Variants in TTC28 observed in about 807,000 individuals in gnomAD.
TTC28 encodes the protein tetratricopeptide repeat protein 28.
In TTC28, 61 loss-of-function variants were observed where a neutral mutation model predicts 198.0. The ratio of observed to expected loss-of-function variants is 0.31; its 90% CI spans 0.25 to 0.38. TTC28 has a LOEUF of 0.38. Ranked by LOEUF, TTC28 falls within the 10% of genes least tolerant of loss-of-function variation. The pLI is 1.00. For missense variants in TTC28, 2,678 were observed against 3,164.0 expected (o/e 0.85, Z 3.69); for synonymous variants, 1,171 against 1,297.8 (o/e 0.90, Z 2.10).
chr22:28,375,845 T>C (rs1046861285), intron 2 of TTC28, among the ~76,000 whole-genome samples: 4 of 152,216 alleles, frequency 2.6e-5, no homozygotes, highest in Non-Finnish European at 5.9e-5. Context: ...CTCCAGGAAG[T>C]GGGATAGTCC....
chr22:28,647,727 T>A (rs943657775), intron 1 of TTC28, among the ~76,000 whole-genome samples: 127 of 151,428 alleles, frequency 8.4e-4, no homozygotes, highest in African/African-American at 2.9e-3. Context: ...TAGTCCCAGC[T>A]ACTCGGGAGG....
intron 2 of TTC28, among the ~76,000 whole-genome samples, chr22:28,320,278 T>G (rs75740183): frequency 6.6e-6 from 1 of 151,808 alleles, no homozygotes; most frequent in Non-Finnish European, 1.5e-5. Context: ...TTTTTTTTTT[T>G]GGCATGACTT....
chr22:28,614,193 G>A (rs546919766), intron 2 of TTC28, among the ~76,000 whole-genome samples: 3 of 152,116 alleles, frequency 2.0e-5, no homozygotes, highest in Admixed American at 1.3e-4. Flanking sequence ...TCCCACTCAC[G>A]ACTGCTGCAA....
At chr22:27,984,636 C>T (rs1174788381) in intron 22 of TTC28, among the ~76,000 whole-genome samples, 1 of 152,178 alleles carries the variant, frequency 6.6e-6, no homozygotes, top group African/African-American at 2.4e-5. Context: ...ATGGATATCC[C>T]CAAACCGAAT....
chr22:28,163,677 C>G, intron 5 of TTC28, 78 bp from the exon 6 acceptor site: 1 of 1,442,134 alleles, frequency 6.9e-7, no homozygotes, highest in Non-Finnish European at 9.1e-7. Flanking sequence ...TAAAATTTTA[C>G]AGGTTGCAAG....
At chr22:28,673,410 A>G (rs2051922474) in intron 1 of TTC28, among the ~76,000 whole-genome samples, 1 of 152,138 alleles carries the variant, frequency 6.6e-6, no homozygotes, top group Non-Finnish European at 1.5e-5. Context: ...AAGAGAATGC[A>G]TTATTATTGT....
chr22:28,088,358 G>A (rs1034842726), intron 12 of TTC28, among the ~76,000 whole-genome samples: 12 of 151,926 alleles, frequency 7.9e-5, no homozygotes, highest in African/African-American at 2.4e-4. Flanking sequence ...AAATAACGCC[G>A]CATATCTACA....
At chr22:28,538,905 C>A (rs2049353747) in intron 2 of TTC28, among the ~76,000 whole-genome samples, 3 of 152,070 alleles carry the variant, frequency 2.0e-5, no homozygotes, top group African/African-American at 7.2e-5. Context: ...TTTACATAAT[C>A]AAAAAGTGAA....
At chr22:28,392,873 T>C (rs986815551) in intron 2 of TTC28, among the ~76,000 whole-genome samples, 1 of 135,224 alleles carries the variant, frequency 7.4e-6, no homozygotes, top group Non-Finnish European at 1.6e-5. Flanking sequence ...CTCCCTCCTT[T>C]TTTTTTTTTT....
At chr22:28,340,066 A>G (rs894706077) in intron 2 of TTC28, among the ~76,000 whole-genome samples, 3 of 152,130 alleles carry the variant, frequency 2.0e-5, no homozygotes, top group African/African-American at 7.2e-5. Flanking sequence ...CTCTAGTTCA[A>G]TCATAATCAC....
chr22:28,002,651 G>A (rs898214537), intron 14 of TTC28: 2 of 151,924 alleles, frequency 1.3e-5, no homozygotes, highest in Admixed American at 1.3e-4. Flanking sequence ...TCCATCTAGC[G>A]AAAGCAGAAA....
chr22:28,207,780 T>C (rs1019005709), intron 5 of TTC28, among the ~76,000 whole-genome samples: 3 of 152,080 alleles, frequency 2.0e-5, no homozygotes, highest in African/African-American at 4.8e-5. Flanking sequence ...CTGATCCTGG[T>C]AGAGGATCCA....
At chr22:28,553,702 T>TG (rs989057497) in intron 2 of TTC28, among the ~76,000 whole-genome samples, 6 of 143,386 alleles carry the variant, frequency 4.2e-5, no homozygotes, top group South Asian at 2.3e-4. Context: ...GGGAGGGAGG[T>TG]GGGGGGTCAG....
intron 2 of TTC28, among the ~76,000 whole-genome samples, chr22:28,401,792 A>G (rs1251960927): frequency 6.6e-6 from 1 of 152,178 alleles, no homozygotes; most frequent in Non-Finnish European, 1.5e-5. Flanking sequence ...TTTTAAATAG[A>G]AAAATTAAAA....
chr22:28,318,592 A>C (rs571224424), intron 2 of TTC28, among the ~76,000 whole-genome samples: 1 of 152,284 alleles, frequency 6.6e-6, no homozygotes, highest in African/African-American at 2.4e-5. Context: ...TGTTCAATGG[A>C]AAAGATTAAA....
At chr22:28,278,479 C>T (rs1383922800) in intron 5 of TTC28, among the ~76,000 whole-genome samples, 6 of 152,116 alleles carry the variant, frequency 3.9e-5, no homozygotes, top group Admixed American at 3.9e-4. Context: ...TTAGATATAA[C>T]AAATTGAAGC....
chr22:28,391,319 CT>C (rs754622240), intron 2 of TTC28, among the ~76,000 whole-genome samples: 5 of 152,084 alleles, frequency 3.3e-5, no homozygotes, highest in Non-Finnish European at 7.4e-5. Context: ...AATTATGTGT[CT>C]TGGAGTTGCT....
chr22:28,247,618 A>T (rs908241066), intron 5 of TTC28, among the ~76,000 whole-genome samples: 1 of 152,230 alleles, frequency 6.6e-6, no homozygotes, highest in Non-Finnish European at 1.5e-5. Flanking sequence ...TACCAAGCCC[A>T]GACTGGGGGA....
At chr22:28,245,164 G>C (rs1042614241) in intron 5 of TTC28, among the ~76,000 whole-genome samples, 1 of 152,168 alleles carries the variant, frequency 6.6e-6, no homozygotes, top group African/African-American at 2.4e-5. Flanking sequence ...GGGAACAGTA[G>C]CTTCCCTTTG....
Sources: gnomAD v4.1 joint callset for allele counts (sites outside exome capture counted in the v4.1 genomes callset) on GRCh38, gnomAD v4.1.1 for gene constraint, MANE v1.5 for transcripts, NCBI Gene and HGNC (gene_info 2026-07-23, HGNC 2026-07-21) for gene names.